AVEN: variants seen among roughly 807,000 people sequenced by gnomAD.
The protein encoded by AVEN is cell death regulator Aven.
A neutral mutation model predicts 38.1 loss-of-function variants in AVEN; 41 were observed. The observed-to-expected ratio is 1.08, with a 90% CI of 0.84 to 1.40. The LOEUF (loss-of-function observed/expected upper bound fraction) is 1.40, where lower values mean the gene tolerates loss of function less well. Among genes scored for constraint, AVEN ranks in the 40% most tolerant of loss-of-function variants. The pLI is 0.00. For synonymous variants in AVEN, 206 were observed against 171.8 expected, an observed-to-expected ratio of 1.20 and a Z score of -1.56; for missense variants, 605 against 438.8, an observed-to-expected ratio of 1.38 and a Z score of -3.38.
At chr15:33,948,962 C>T (rs565296864) in intron 2 of AVEN, among the ~76,000 whole-genome samples, 1 of 152,098 alleles carries the variant, frequency 6.6e-6, no homozygotes, top group African/African-American at 2.4e-5. Flanking sequence ...CGTGAGCCAC[C>T]GTGCCTGGCT....
At chr15:33,900,330 CAA>C (rs1892441838) in intron 2 of AVEN, among the ~76,000 whole-genome samples, 1 of 144,852 alleles carries the variant, frequency 6.9e-6, no homozygotes, top group Non-Finnish European at 1.5e-5. Context: ...TTTTTTGAGA[CAA>C]AGTTATTTTC....
At chr15:34,020,351 T>C (rs1388582330) in intron 1 of AVEN, among the ~76,000 whole-genome samples, 1 of 152,176 alleles carries the variant, frequency 6.6e-6, no homozygotes, top group East Asian at 1.9e-4. Flanking sequence ...AAAAGGATAG[T>C]GTTCTTTTCT....
intron 2 of AVEN, among the ~76,000 whole-genome samples, chr15:33,958,468 G>T (rs141303166): frequency 3.5e-4 from 53 of 152,044 alleles, no homozygotes; most frequent in African/African-American, 1.2e-3. Context: ...GCACACATCT[G>T]TAATCCCAGC....
chr15:33,865,982 A>C (rs1329658018), downstream of AVEN: 2 of 152,760 alleles, frequency 1.3e-5, no homozygotes, highest in African/African-American at 4.8e-5. Context: ...AAAAATCTCA[A>C]CCTTATGCCA....
At chr15:33,868,272 C>T (rs1043194436) in intron 4 of AVEN, among the ~76,000 whole-genome samples, 2 of 151,928 alleles carry the variant, frequency 1.3e-5, no homozygotes, top group Non-Finnish European at 2.9e-5. Context: ...GCCTGTAATC[C>T]CAGCACTTTG....
intron 2 of AVEN, among the ~76,000 whole-genome samples, chr15:33,944,540 C>T (rs959686090): frequency 2.6e-5 from 4 of 152,028 alleles, no homozygotes; most frequent in African/African-American, 7.2e-5. Context: ...AGGCCAGGCA[C>T]GGCTCACGCC....
chr15:33,899,376 A>G (rs1166548951), intron 2 of AVEN, among the ~76,000 whole-genome samples: 1 of 148,008 alleles, frequency 6.8e-6, no homozygotes. Flanking sequence ...TGTTTAATCT[A>G]TTTTGTTCAT....
At chr15:33,864,592 G>C (rs1416334992), downstream of AVEN, among the ~76,000 whole-genome samples, 1 of 151,378 alleles carries the variant, frequency 6.6e-6, no homozygotes, top group African/African-American at 2.4e-5. Context: ...CTGGAGGTGT[G>C]CATGTGAGAG....
At chr15:34,058,093 C>T (rs1276000335) in intron 5 of AVEN, among the ~76,000 whole-genome samples, 5 of 152,086 alleles carry the variant, frequency 3.3e-5, no homozygotes, top group Admixed American at 2.0e-4. Context: ...TGACAGAATT[C>T]CTTGCTCTTT....
intron 2 of AVEN, among the ~76,000 whole-genome samples, chr15:33,947,445 C>G (rs116745858): frequency 6.6e-6 from 1 of 152,128 alleles, no homozygotes; most frequent in Non-Finnish European, 1.5e-5. Context: ...ATCTGTAATA[C>G]GTAGATGCGT....
intron 2 of AVEN, among the ~76,000 whole-genome samples, chr15:33,880,525 G>A (rs538964653): frequency 6.6e-6 from 1 of 152,296 alleles, no homozygotes; most frequent in African/African-American, 2.4e-5. Context: ...TAAGTTAGGA[G>A]TAAAGTAGGA....
intron 2 of AVEN, among the ~76,000 whole-genome samples, chr15:34,000,299 T>G (rs913470718): frequency 6.6e-6 from 1 of 152,242 alleles, no homozygotes; most frequent in Non-Finnish European, 1.5e-5. Context: ...GGTGTCTATA[T>G]CTGTTCTGTT....
At chr15:33,959,121 T>C (rs143651584) in intron 2 of AVEN, among the ~76,000 whole-genome samples, 14 of 152,274 alleles carry the variant, frequency 9.2e-5, no homozygotes, top group African/African-American at 2.9e-4. Context: ...TCTTCCCAAC[T>C]TCCCTGCATG....
intron 2 of AVEN, among the ~76,000 whole-genome samples, chr15:33,984,530 G>A (rs1223190467): frequency 1.3e-5 from 2 of 151,894 alleles, no homozygotes; most frequent in South Asian, 2.1e-4. Flanking sequence ...AGCCTCCCGC[G>A]TAGCTCAGAT....
chr15:33,870,950 A>C lies in AVEN; in HGVS notation c.597T>G (p.Ala199=). ...GGATTTTTACCTGGACCAGTTCGGCAGCAACGTTGAGTCGGAGGCAGAGAG... is the reference window on the plus strand; with the variant it reads ...GGATTTTTACCTGGACCAGTTCGGCCGCAACGTTGAGTCGGAGGCAGAGAG... ...ELPLCLRLNV[A]AELVQGTVPL... is the part of the protein sequence containing the mutation. The change falls in exon 4 of 6, where the codon GCT becomes GCG. Residue 199 remains alanine (A), a synonymous_variant. Coordinates refer to ENST00000306730, the MANE Select transcript of AVEN (RefSeq NM_020371.3). 1 of 1,611,394 alleles carries C rather than the reference A, an allele frequency of 6.2e-7. No individual in the cohort carries two copies. The highest frequency in any genetic ancestry group is 8.5e-7 in the Non-Finnish European group (1 of 1,178,320).
chr15:33,866,137 C>CTGGT (rs1413779084), downstream of AVEN: 1 of 167,966 alleles, frequency 6.0e-6, no homozygotes, highest in African/African-American at 2.4e-5. Context: ...TGTACCACTT[C>CTGGT]TGGTTGATTC....
intron 2 of AVEN, among the ~76,000 whole-genome samples, chr15:33,931,414 G>A (rs921564846): frequency 6.0e-5 from 8 of 132,816 alleles, no homozygotes; most frequent in Non-Finnish European, 9.2e-5. Flanking sequence ...TCTGTCACCC[G>A]GGCTGGAGTG....
intron 2 of AVEN, among the ~76,000 whole-genome samples, chr15:33,897,815 T>C (rs7496144): frequency 0.82 from 124,608 of 152,070 alleles, 55,155 homozygotes; most frequent in Non-Finnish European, 0.98. Flanking sequence ...CAAGGAGTTT[T>C]AGGTTAAAGC....
chr15:34,051,307 C>G (rs1367387122), intron 5 of AVEN, among the ~76,000 whole-genome samples: 1 of 150,318 alleles, frequency 6.7e-6, no homozygotes, highest in East Asian at 2.0e-4. Context: ...AAACAAAGGA[C>G]AAAGTACCAA....
Sources: allele counts gnomAD v4.1 joint callset (sites outside exome capture counted in the v4.1 genomes callset), GRCh38; gene constraint gnomAD v4.1.1; transcripts MANE v1.5; gene names NCBI Gene and HGNC (gene_info 2026-07-23, HGNC 2026-07-21).